The following IMMP2L variants were observed in gnomAD, a reference collection of about 807,000 sequenced individuals.
IMMP2L encodes the protein mitochondrial inner membrane protease subunit 2.
A neutral mutation model predicts 19.3 loss-of-function variants in IMMP2L; 18 were observed. The observed-to-expected ratio is 0.93, with a 90% CI of 0.64 to 1.38. The LOEUF is 1.38. Ranked by LOEUF, IMMP2L falls within the 40% of genes most tolerant of loss-of-function variation. IMMP2L has a pLI of 0.00. For synonymous variants in IMMP2L, 76 were observed against 73.0 expected, an observed-to-expected ratio of 1.04 and a Z score of -0.21; for missense variants, 233 against 218.2, an observed-to-expected ratio of 1.07 and a Z score of -0.43.
intron 3 of IMMP2L, among the ~76,000 whole-genome samples, chr7:111,304,437 G>T (rs1414218267): frequency 6.6e-6 from 1 of 151,884 alleles, no homozygotes; most frequent in Non-Finnish European, 1.5e-5. Context: ...CCCTGAGAAT[G>T]AATTGAGAAG....
intron 3 of IMMP2L, among the ~76,000 whole-genome samples, chr7:110,975,347 T>G (rs1050990972): frequency 6.6e-6 from 1 of 152,152 alleles, no homozygotes; most frequent in Non-Finnish European, 1.5e-5. Context: ...CTAGTCACTT[T>G]CAAGTCAAAG....
chr7:110,876,862 C>T (rs10259286), intron 5 of IMMP2L, among the ~76,000 whole-genome samples: 6,145 of 152,130 alleles, frequency 0.04, 390 homozygotes, highest in African/African-American at 0.14. Flanking sequence ...AAAATGTAAA[C>T]GGCTTTTTAG....
At chr7:110,831,415 A>G (rs932737501) in intron 5 of IMMP2L, among the ~76,000 whole-genome samples, 1 of 152,130 alleles carries the variant, frequency 6.6e-6, no homozygotes, top group African/African-American at 2.4e-5. Context: ...CCTTCACATA[A>G]GTATCTGGGT....
chr7:110,707,004 A>ATTTTTT (rs60393281), intron 5 of IMMP2L, among the ~76,000 whole-genome samples: 2 of 114,300 alleles, frequency 1.7e-5, no homozygotes, highest in African/African-American at 3.4e-5. Context: ...TTTTTTTTTA[A>ATTTTTT]TTTTTTTTTT....
intron 3 of IMMP2L, among the ~76,000 whole-genome samples, chr7:111,435,535 G>A (rs1283785625): frequency 6.6e-6 from 1 of 151,744 alleles, no homozygotes; most frequent in Non-Finnish European, 1.5e-5. Context: ...AGGTGGGAGG[G>A]TGGGAGGTGG....
At chr7:111,372,701 G>T (rs1259257442) in intron 3 of IMMP2L, among the ~76,000 whole-genome samples, 1 of 151,806 alleles carries the variant, frequency 6.6e-6, no homozygotes, top group Non-Finnish European at 1.5e-5. Context: ...ATAAGAAAGG[G>T]TATTTAATCT....
chr7:111,016,523 AT>A (rs200783699), intron 3 of IMMP2L, among the ~76,000 whole-genome samples: 11,895 of 122,520 alleles, frequency 0.097, 621 homozygotes, highest in South Asian at 0.19. Context: ...TATATTATAT[AT>A]GTATATATTA....
At chr7:111,477,845 C>A (rs1207738327) in intron 3 of IMMP2L, among the ~76,000 whole-genome samples, 1 of 152,040 alleles carries the variant, frequency 6.6e-6, no homozygotes, top group Non-Finnish European at 1.5e-5. Flanking sequence ...TTGTGGTGAG[C>A]CAAGATCATG....
chr7:111,131,478 A>G (rs1432704459), intron 3 of IMMP2L, among the ~76,000 whole-genome samples: 2 of 152,006 alleles, frequency 1.3e-5, no homozygotes, highest in African/African-American at 4.8e-5. Flanking sequence ...AAAGGAAGAA[A>G]AGAAGGAAAC....
At chr7:110,979,900 AC>A (rs1821087311) in intron 3 of IMMP2L, among the ~76,000 whole-genome samples, 1 of 152,114 alleles carries the variant, frequency 6.6e-6, no homozygotes, top group South Asian at 2.1e-4. Context: ...TTAATTTTAC[AC>A]TTTAAAAATG....
chr7:111,433,397 G>C (rs984615399), intron 3 of IMMP2L, among the ~76,000 whole-genome samples: 9 of 151,788 alleles, frequency 5.9e-5, no homozygotes, highest in Admixed American at 1.3e-4. Context: ...AGGCAAGGAA[G>C]AACAAGTCCC....
intron 3 of IMMP2L, among the ~76,000 whole-genome samples, chr7:111,218,472 A>G (rs1395541820): frequency 2.0e-5 from 3 of 150,820 alleles, no homozygotes; most frequent in Non-Finnish European, 3.0e-5. Flanking sequence ...TTTTTTTCCC[A>G]TTACAATGTT....
intron 3 of IMMP2L, among the ~76,000 whole-genome samples, chr7:111,404,273 G>A (rs1833722416): frequency 6.6e-6 from 1 of 152,130 alleles, no homozygotes; most frequent in African/African-American, 2.4e-5. Context: ...AATATTAGGA[G>A]TGTTCAGGGG....
intron 3 of IMMP2L, among the ~76,000 whole-genome samples, chr7:111,281,245 A>AAG (rs1218927613): frequency 7.3e-6 from 1 of 137,050 alleles, no homozygotes; most frequent in African/African-American, 3.0e-5. Context: ...AGAAAGAAAG[A>AAG]AGAGAGAGAG....
At chr7:110,901,424 T>A (rs1585195477) in intron 4 of IMMP2L, among the ~76,000 whole-genome samples, 2 of 152,170 alleles carry the variant, frequency 1.3e-5, no homozygotes, top group Admixed American at 1.3e-4. Context: ...CAGTTTCATA[T>A]ACTATCTTAA....
intron 5 of IMMP2L, among the ~76,000 whole-genome samples, chr7:110,816,205 G>T (rs1338613579): frequency 6.6e-6 from 1 of 152,062 alleles, no homozygotes; most frequent in Non-Finnish European, 1.5e-5. Context: ...CTTTATTTCT[G>T]CCTTCATTTC....
intron 3 of IMMP2L, among the ~76,000 whole-genome samples, chr7:111,342,387 A>T (rs113895131): frequency 2.0e-5 from 3 of 152,058 alleles, no homozygotes; most frequent in Admixed American, 6.6e-5. Context: ...AGGTCAGGAG[A>T]TCGAGACCAT....
At chr7:110,972,644 T>G (rs1585524736) in intron 3 of IMMP2L, among the ~76,000 whole-genome samples, 1 of 152,038 alleles carries the variant, frequency 6.6e-6, no homozygotes, top group East Asian at 1.9e-4. Flanking sequence ...AAGGGAACTT[T>G]GGCAACAACA....
At chr7:111,432,966 A>G (rs1221395327) in intron 3 of IMMP2L, among the ~76,000 whole-genome samples, 1 of 145,294 alleles carries the variant, frequency 6.9e-6, no homozygotes, top group Admixed American at 6.8e-5. Context: ...AAAAAAAAAG[A>G]AAAAAAAAAA....
Sources: allele counts gnomAD v4.1 joint callset (sites outside exome capture counted in the v4.1 genomes callset), GRCh38; gene constraint gnomAD v4.1.1; transcripts MANE v1.5; gene names NCBI Gene and HGNC (gene_info 2026-07-23, HGNC 2026-07-21).